The following ADGRL2 variants were observed in gnomAD, a reference collection of about 807,000 sequenced individuals.
ADGRL2 encodes the protein adhesion G protein-coupled receptor L2, also known as calcium-independent alpha-latrotoxin receptor 2.
In ADGRL2, 44 loss-of-function variants were observed where a neutral mutation model predicts 157.4. That is an observed-to-expected ratio of 0.28 (90% CI 0.22 to 0.36). The LOEUF (loss-of-function observed/expected upper bound fraction) is 0.36, where lower values mean the gene tolerates loss of function less well. ADGRL2 is among the 10% of genes least tolerant of loss of function. ADGRL2 has a pLI of 1.00. For missense variants in ADGRL2, 1,510 were observed against 1,768.9 expected (o/e 0.85, Z 2.63); for synonymous variants, 585 against 624.7 (o/e 0.94, Z 0.95).
chr1:81,979,281 A>G (rs899336011), intron 17 of ADGRL2, among the ~76,000 whole-genome samples: 13 of 151,854 alleles, frequency 8.6e-5, no homozygotes, highest in African/African-American at 3.1e-4. Context: ...ATACAGAGAC[A>G]TAGAAAAAAA....
chr1:81,489,993 A>G (rs1054529508), intron 2 of ADGRL2, among the ~76,000 whole-genome samples: 3 of 146,656 alleles, frequency 2.0e-5, no homozygotes, highest in Non-Finnish European at 4.4e-5. Flanking sequence ...GAGAGACTAT[A>G]TAGTAACTGA....
At chr1:81,781,960 G>A (rs528634634) in intron 2 of ADGRL2, among the ~76,000 whole-genome samples, 1 of 152,316 alleles carries the variant, frequency 6.6e-6, no homozygotes, top group South Asian at 2.1e-4. Flanking sequence ...CAGGCAGGAT[G>A]GGGAAGAGCA....
chr1:81,534,969 C>A (rs1312184415), intron 2 of ADGRL2, among the ~76,000 whole-genome samples: 1 of 152,096 alleles, frequency 6.6e-6, no homozygotes, highest in African/African-American at 2.4e-5. Context: ...ATTTAAGTAC[C>A]TTCCCTCTTT....
At chr1:81,400,683 T>TGCA (rs1228873920) in intron 1 of ADGRL2, among the ~76,000 whole-genome samples, 1 of 152,018 alleles carries the variant, frequency 6.6e-6, no homozygotes, top group Non-Finnish European at 1.5e-5. Context: ...TTAGTCCAGG[T>TGCA]GCAGCAGCAG....
chr1:81,665,424 CT>C (rs2082733075), intron 3 of ADGRL2, among the ~76,000 whole-genome samples: 1 of 152,028 alleles, frequency 6.6e-6, no homozygotes, highest in Admixed American at 6.6e-5. Context: ...CATTTCATTT[CT>C]TTATTAAGCA....
chr1:81,877,442 G>GAT (rs1372463738), intron 2 of ADGRL2, among the ~76,000 whole-genome samples: 1 of 152,034 alleles, frequency 6.6e-6, no homozygotes, highest in Non-Finnish European at 1.5e-5. Flanking sequence ...AATCTTGCCT[G>GAT]ATATATATAG....
chr1:81,447,968 CCT>C (rs1213344591), intron 2 of ADGRL2, among the ~76,000 whole-genome samples: 1 of 151,808 alleles, frequency 6.6e-6, no homozygotes, highest in African/African-American at 2.4e-5. Flanking sequence ...TAGCACCTCC[CCT>C]GTCTCTTCCT....
chr1:81,892,247 A>G (rs2094286992), intron 2 of ADGRL2, among the ~76,000 whole-genome samples: 1 of 152,098 alleles, frequency 6.6e-6, no homozygotes, highest in African/African-American at 2.4e-5. Context: ...CTTGTCCGGA[A>G]TTACTTTTCA....
chr1:81,554,610 C>A (rs1217694677), intron 2 of ADGRL2, among the ~76,000 whole-genome samples: 1 of 152,064 alleles, frequency 6.6e-6, no homozygotes, highest in Non-Finnish European at 1.5e-5. Flanking sequence ...CTAATAACCG[C>A]TTTGCAAGAA....
chr1:81,441,645 C>G (rs2077509142), intron 1 of ADGRL2, among the ~76,000 whole-genome samples: 1 of 152,136 alleles, frequency 6.6e-6, no homozygotes, highest in Non-Finnish European at 1.5e-5. Flanking sequence ...ATTCTCCTGC[C>G]TCAGCCCTCA....
intron 2 of ADGRL2, among the ~76,000 whole-genome samples, chr1:81,515,395 A>G (rs2079155612): frequency 6.6e-6 from 1 of 151,858 alleles, no homozygotes; most frequent in Non-Finnish European, 1.5e-5. Context: ...CCTTCCAATC[A>G]GAATCAGCTC....
chr1:81,801,737 G>C (rs568161312), intron 1 of ADGRL2, among the ~76,000 whole-genome samples: 1 of 152,180 alleles, frequency 6.6e-6, no homozygotes, highest in African/African-American at 2.4e-5. Flanking sequence ...CGCTCGGGGG[G>C]CTGAGGGGCT....
chr1:81,410,617 T>C (rs1183655501), intron 1 of ADGRL2, among the ~76,000 whole-genome samples: 2 of 152,202 alleles, frequency 1.3e-5, no homozygotes, highest in African/African-American at 2.4e-5. Context: ...GCCCTGGCCT[T>C]AGCTGTAACA....
At chr1:81,858,526 A>G (rs1420762624) in intron 2 of ADGRL2, among the ~76,000 whole-genome samples, 1 of 152,186 alleles carries the variant, frequency 6.6e-6, no homozygotes, top group African/African-American at 2.4e-5. Flanking sequence ...TTTAGAACCA[A>G]GACTTAAGAG....
chr1:81,938,707 A>G (rs2095345090), intron 4 of ADGRL2, among the ~76,000 whole-genome samples: 1 of 151,640 alleles, frequency 6.6e-6, no homozygotes. Flanking sequence ...TATAATTCCT[A>G]TATACTCTAC....
At chr1:81,554,027 C>G (rs1361171111) in intron 2 of ADGRL2, among the ~76,000 whole-genome samples, 1 of 152,182 alleles carries the variant, frequency 6.6e-6, no homozygotes, top group African/African-American at 2.4e-5. Flanking sequence ...AAATATTCTT[C>G]TACTGACCAG....
chr1:81,624,040 G>A (rs1435368962), intron 3 of ADGRL2, among the ~76,000 whole-genome samples: 1 of 152,126 alleles, frequency 6.6e-6, no homozygotes. Context: ...TTGGAGCAAT[G>A]CAGCAGTAAG....
intron 2 of ADGRL2, among the ~76,000 whole-genome samples, chr1:81,770,639 A>C (rs1428315606): frequency 6.6e-6 from 1 of 151,576 alleles, no homozygotes; most frequent in East Asian, 2.0e-4. Context: ...ACGCCCAGCT[A>C]ATTTTGTATT....
chr1:81,654,357 G>A (rs1285271410), intron 3 of ADGRL2, among the ~76,000 whole-genome samples: 1 of 152,154 alleles, frequency 6.6e-6, no homozygotes, highest in African/African-American at 2.4e-5. Context: ...TTCCATGTCA[G>A]TCTTTACAAG....
Sources: gnomAD v4.1 joint callset for allele counts (sites outside exome capture counted in the v4.1 genomes callset) on GRCh38, gnomAD v4.1.1 for gene constraint, MANE v1.5 for transcripts, NCBI Gene and HGNC (gene_info 2026-07-23, HGNC 2026-07-21) for gene names.